GNAL: variants seen among roughly 807,000 people sequenced by gnomAD.
GNAL encodes the protein guanine nucleotide-binding protein G(olf) subunit alpha.
Under a neutral mutation model 55.1 loss-of-function variants are expected in GNAL, and 18 were observed. That is an observed-to-expected ratio of 0.33 (90% CI 0.23 to 0.48). The LOEUF is 0.48. Ranked by LOEUF, GNAL falls within the 20% of genes least tolerant of loss-of-function variation. GNAL has a pLI of 0.99. For synonymous variants in GNAL, 253 were observed against 237.0 expected (o/e 1.07, Z -0.62); for missense variants, 412 against 614.1 (o/e 0.67, Z 3.48).
intron 5 of GNAL, among the ~76,000 whole-genome samples, chr18:11,831,481 G>A (rs1398463093): frequency 1.3e-5 from 2 of 152,168 alleles, no homozygotes; most frequent in East Asian, 3.8e-4. Flanking sequence ...CATGAAAAAA[G>A]TCTAAGGCTG....
chr18:11,839,241 A>G (rs919638634), intron 5 of GNAL, among the ~76,000 whole-genome samples: 16 of 152,116 alleles, frequency 1.1e-4, no homozygotes, highest in Admixed American at 7.9e-4. Context: ...CAGTATTCCT[A>G]TGTATACAAA....
intron 4 of GNAL, among the ~76,000 whole-genome samples, chr18:11,784,533 T>G (rs147865078): frequency 6.6e-6 from 1 of 152,382 alleles, no homozygotes; most frequent in African/African-American, 2.4e-5. Context: ...AAGAGCCACA[T>G]GATTATGTAT....
chr18:11,724,812 A>G (rs1304494706), intron 1 of GNAL, among the ~76,000 whole-genome samples: 4 of 152,202 alleles, frequency 2.6e-5, no homozygotes, highest in Non-Finnish European at 5.9e-5. Flanking sequence ...AGCATCTACC[A>G]AGGCCCAGGA....
At chr18:11,767,752 T>C (rs141956981) in intron 4 of GNAL, among the ~76,000 whole-genome samples, 11 of 152,346 alleles carry the variant, frequency 7.2e-5, no homozygotes, top group African/African-American at 2.6e-4. Context: ...TTGCTCTCTG[T>C]GTACCCTTAT....
chr18:11,873,710 G>A (rs981516868), intron 10 of GNAL, among the ~76,000 whole-genome samples: 6 of 152,236 alleles, frequency 3.9e-5, no homozygotes, highest in African/African-American at 1.4e-4. Context: ...GCTTGCCCAT[G>A]GCACATCATC....
intron 4 of GNAL, among the ~76,000 whole-genome samples, chr18:11,768,004 T>C (rs147289602): frequency 1.3e-5 from 2 of 152,358 alleles, no homozygotes; most frequent in East Asian, 1.9e-4. Flanking sequence ...GTCCCTCCAA[T>C]TAACAAGGCT....
chr18:11,821,950 G>A (rs527302830), intron 4 of GNAL, among the ~76,000 whole-genome samples: 38 of 152,382 alleles, frequency 2.5e-4, no homozygotes, highest in Admixed American at 1.6e-3. Flanking sequence ...ACGCGCCCAG[G>A]CCATGGCCGC....
At chr18:11,851,541 C>T (rs2035866948) in intron 5 of GNAL, 1 of 1,605,830 alleles carries the variant, frequency 6.2e-7, no homozygotes, top group Non-Finnish European at 8.5e-7. Context: ...ACCTGTTCAA[C>T]CTGAAGTTCG....
chr18:11,827,138 A>G (rs1339199733), intron 5 of GNAL, among the ~76,000 whole-genome samples: 3 of 152,184 alleles, frequency 2.0e-5, no homozygotes, highest in Non-Finnish European at 4.4e-5. Context: ...AGGATGTCCC[A>G]TGCTCAGTCC....
intron 4 of GNAL, among the ~76,000 whole-genome samples, chr18:11,777,899 G>C (rs540562121): frequency 6.6e-6 from 1 of 152,268 alleles, no homozygotes; most frequent in East Asian, 1.9e-4. Context: ...CAGAGGTGAA[G>C]GTCACACAAC....
intron 1 of GNAL, among the ~76,000 whole-genome samples, chr18:11,711,735 T>C (rs1443544022): frequency 6.6e-6 from 1 of 152,254 alleles, no homozygotes; most frequent in Non-Finnish European, 1.5e-5. Context: ...GGTAGGTTAC[T>C]GGTGATTTGT....
intron 1 of GNAL, among the ~76,000 whole-genome samples, chr18:11,741,406 A>T (rs1222892515): frequency 1.3e-5 from 2 of 152,206 alleles, no homozygotes; most frequent in Admixed American, 1.3e-4. Context: ...ATTAGCATAA[A>T]TTTCTCTAAA....
chr18:11,851,749 C>G, intron 5 of GNAL: 1 of 1,613,962 alleles, frequency 6.2e-7, no homozygotes, highest in African/African-American at 1.3e-5. Context: ...TGCCAGGGTC[C>G]AGACGGCGGT....
intron 1 of GNAL, among the ~76,000 whole-genome samples, chr18:11,749,376 T>C (rs2032763345): frequency 6.6e-6 from 1 of 152,216 alleles, no homozygotes; most frequent in African/African-American, 2.4e-5. Flanking sequence ...TTAAATGTAT[T>C]TTTATTTTCA....
Position 11,831,351 on chromosome 18 carries a change from A to G in GNAL, c.722+6336A>G, listed in dbSNP as rs148559010. 2.8e-4 allele frequency among the ~76,000 whole-genome samples: 42 copies of G among 152,214 alleles called. 1 individual carries two copies. The East Asian group carries it at 6.6e-3, about 24-fold the overall frequency. ...TTCTGAAGTACAGGTTAAGGTCAGA[A>G]TATGTGTTTATAAGGCCTGCTTCTT... On this transcript the variant is annotated intron_variant, in intron 5 of 11. Coordinates refer to ENST00000334049, the MANE Select transcript of GNAL (RefSeq NM_182978.4).
chr18:11,699,507 G>A (rs1172924421), intron 1 of GNAL, among the ~76,000 whole-genome samples: 1 of 151,574 alleles, frequency 6.6e-6, no homozygotes, highest in Non-Finnish European at 1.5e-5. Flanking sequence ...GAGCCACCGT[G>A]CCCAGCTGGG....
At chr18:11,691,094 T>C (rs1387815379) in intron 1 of GNAL, among the ~76,000 whole-genome samples, 1 of 150,622 alleles carries the variant, frequency 6.6e-6, no homozygotes, top group Non-Finnish European at 1.5e-5. Flanking sequence ...AAAGTGTTCC[T>C]ATTTCTCCAC....
chr18:11,833,056 TC>T (rs2035422433), intron 5 of GNAL, among the ~76,000 whole-genome samples: 1 of 151,236 alleles, frequency 6.6e-6, no homozygotes, highest in Non-Finnish European at 1.5e-5. Context: ...TTTTTTTTTT[TC>T]GAGTCATTCT....
At chr18:11,703,001 C>G (rs921583226) in intron 1 of GNAL, among the ~76,000 whole-genome samples, 2 of 152,022 alleles carry the variant, frequency 1.3e-5, no homozygotes, top group African/African-American at 4.8e-5. Context: ...GCCTGTAATC[C>G]CAGCTAGTCG....
Sources: gnomAD v4.1 joint callset for allele counts (sites outside exome capture counted in the v4.1 genomes callset) on GRCh38, gnomAD v4.1.1 for gene constraint, MANE v1.5 for transcripts, NCBI Gene and HGNC (gene_info 2026-07-23, HGNC 2026-07-21) for gene names.